LRMDA: variants seen among roughly 807,000 people sequenced by gnomAD.
The protein encoded by LRMDA is leucine-rich melanocyte differentiation-associated protein.
LRMDA carries 18 observed loss-of-function variants against 29.8 expected under a neutral mutation model. That is an observed-to-expected ratio of 0.60 (90% CI 0.42 to 0.90). The LOEUF (loss-of-function observed/expected upper bound fraction) is 0.90, where lower values mean the gene tolerates loss of function less well. Among genes scored for constraint, LRMDA ranks in the 40% least tolerant of loss-of-function variants. The pLI, the probability that LRMDA is intolerant of heterozygous loss-of-function variation, is 0.00. For missense variants in LRMDA, 273 were observed against 273.9 expected, an observed-to-expected ratio of 1.00 and a Z score of 0.02; for synonymous variants, 125 against 109.4, an observed-to-expected ratio of 1.14 and a Z score of -0.89.
At chr10:75,879,850 A>G (rs1300510246) in intron 2 of LRMDA, among the ~76,000 whole-genome samples, 1 of 152,170 alleles carries the variant, frequency 6.6e-6, no homozygotes, top group African/African-American at 2.4e-5. Flanking sequence ...TATGACGAAC[A>G]TGGGACTGTA....
At chr10:75,943,164 C>CA (rs59276408) in intron 2 of LRMDA, among the ~76,000 whole-genome samples, 4,358 of 95,264 alleles carry the variant, frequency 0.046, 143 homozygotes, top group African/African-American at 0.11. Context: ...ATGTTTTCAG[C>CA]AAAAAAAAAA....
chr10:75,447,173 T>A (rs1438210638), intron 2 of LRMDA, among the ~76,000 whole-genome samples: 1 of 152,220 alleles, frequency 6.6e-6, no homozygotes, highest in Non-Finnish European at 1.5e-5. Flanking sequence ...TTAGAACCAG[T>A]GTTCTCTTTA....
intron 6 of LRMDA, among the ~76,000 whole-genome samples, chr10:76,401,032 AT>A (rs1841842444): frequency 6.6e-6 from 1 of 152,158 alleles, no homozygotes; most frequent in Admixed American, 6.5e-5. Flanking sequence ...TACATAAAAC[AT>A]TTTGGGTTTC....
intron 2 of LRMDA, among the ~76,000 whole-genome samples, chr10:75,801,938 G>A (rs1342652100): frequency 6.6e-6 from 1 of 152,168 alleles, no homozygotes; most frequent in Admixed American, 6.5e-5. Context: ...TGTGTATGAT[G>A]CTACCCACCT....
chr10:75,949,562 A>T (rs1846537396), intron 2 of LRMDA, among the ~76,000 whole-genome samples: 1 of 152,084 alleles, frequency 6.6e-6, no homozygotes, highest in Admixed American at 6.5e-5. Flanking sequence ...GAGTCTTAGG[A>T]AGAAATTTAG....
chr10:75,567,407 A>C (rs1430130551), intron 2 of LRMDA, among the ~76,000 whole-genome samples: 1 of 152,252 alleles, frequency 6.6e-6, no homozygotes, highest in African/African-American at 2.4e-5. Flanking sequence ...TGAGATTCTA[A>C]TACCAATTAT....
chr10:76,082,351 A>G (rs573535862), intron 5 of LRMDA, among the ~76,000 whole-genome samples: 1 of 152,174 alleles, frequency 6.6e-6, no homozygotes, highest in African/African-American at 2.4e-5. Flanking sequence ...GAGCTGTCCA[A>G]CATGGCAAGG....
intron 6 of LRMDA, among the ~76,000 whole-genome samples, chr10:76,533,737 G>A (rs1843261931): frequency 6.6e-6 from 1 of 152,172 alleles, no homozygotes; most frequent in Non-Finnish European, 1.5e-5. Context: ...GAGTATTTAG[G>A]TAAAGGCTGG....
chr10:76,114,993 A>G (rs1308923961), intron 5 of LRMDA, among the ~76,000 whole-genome samples: 1 of 151,998 alleles, frequency 6.6e-6, no homozygotes, highest in Non-Finnish European at 1.5e-5. Flanking sequence ...AGTCATTTTT[A>G]TTTTGGTCTG....
intron 2 of LRMDA, among the ~76,000 whole-genome samples, chr10:75,925,380 C>G (rs933139110): frequency 6.6e-6 from 1 of 152,124 alleles, no homozygotes; most frequent in Non-Finnish European, 1.5e-5. Flanking sequence ...ATGTTTACCA[C>G]TTAATTGCCC....
At chr10:76,386,203 G>A (rs1423098943) in intron 6 of LRMDA, among the ~76,000 whole-genome samples, 1 of 152,148 alleles carries the variant, frequency 6.6e-6, no homozygotes, top group African/African-American at 2.4e-5. Flanking sequence ...TAAGCACAAA[G>A]TCTATATATT....
intron 5 of LRMDA, among the ~76,000 whole-genome samples, chr10:76,071,039 C>T (rs1349452018): frequency 6.6e-6 from 1 of 152,140 alleles, no homozygotes; most frequent in Admixed American, 6.5e-5. Context: ...GGAAAGGATG[C>T]CTGGTGCAGA....
At chr10:75,858,759 T>C (rs375596920) in intron 2 of LRMDA, among the ~76,000 whole-genome samples, 1 of 152,362 alleles carries the variant, frequency 6.6e-6, no homozygotes, top group East Asian at 1.9e-4. Context: ...TGTCTTTTTA[T>C]GCATTGAAAA....
At chr10:75,455,214 A>T (rs1014392323) in intron 2 of LRMDA, among the ~76,000 whole-genome samples, 2 of 152,140 alleles carry the variant, frequency 1.3e-5, no homozygotes, top group Non-Finnish European at 2.9e-5. Context: ...GAATAGCGTG[A>T]TTTCCCCAGA....
chr10:76,226,374 G>A (rs147236602), intron 5 of LRMDA, among the ~76,000 whole-genome samples: 2,746 of 152,074 alleles, frequency 0.018, 83 homozygotes, highest in African/African-American at 0.063. Flanking sequence ...CCTGAGGTCG[G>A]GAGTTCAAGA....
chr10:76,310,001 T>G (rs183025680), intron 5 of LRMDA, among the ~76,000 whole-genome samples: 1 of 152,360 alleles, frequency 6.6e-6, no homozygotes, highest in East Asian at 1.9e-4. Context: ...ATCATTTTGA[T>G]AAATCATGTA....
At chr10:75,831,793 G>A (rs935952141) in intron 2 of LRMDA, among the ~76,000 whole-genome samples, 1 of 152,168 alleles carries the variant, frequency 6.6e-6, no homozygotes, top group East Asian at 1.9e-4. Context: ...CTTGACTTGT[G>A]TGCCCCTGCA....
chr10:75,876,446 G>A (rs932106718), intron 2 of LRMDA, among the ~76,000 whole-genome samples: 6 of 152,182 alleles, frequency 3.9e-5, no homozygotes, highest in Admixed American at 2.6e-4. Context: ...AGGCCCTCGC[G>A]GGAGCTATCT....
intron 2 of LRMDA, among the ~76,000 whole-genome samples, chr10:75,537,159 G>C (rs1589173612): frequency 6.6e-6 from 1 of 152,050 alleles, no homozygotes; most frequent in Non-Finnish European, 1.5e-5. Flanking sequence ...TTTTTACTTT[G>C]TGTTCATTAT....
Sources: gnomAD v4.1 joint callset for allele counts (sites outside exome capture counted in the v4.1 genomes callset) on GRCh38, gnomAD v4.1.1 for gene constraint, MANE v1.5 for transcripts, NCBI Gene and HGNC (gene_info 2026-07-23, HGNC 2026-07-21) for gene names.